Variants in SLC47A1 observed in about 807,000 individuals in gnomAD.
SLC47A1 encodes solute carrier family 47 member 1.
Under a neutral mutation model 65.8 loss-of-function variants are expected in SLC47A1, and 58 were observed. The observed-to-expected ratio is 0.88, with a 90% CI of 0.71 to 1.10. The LOEUF is 1.10. Ranked by LOEUF, SLC47A1 falls within the 50% of genes least tolerant of loss-of-function variation. SLC47A1 has a pLI of 0.00. For synonymous variants in SLC47A1, 285 were observed against 295.0 expected, an observed-to-expected ratio of 0.97 and a Z score of 0.35; for missense variants, 706 against 719.2, an observed-to-expected ratio of 0.98 and a Z score of 0.21.
intron 1 of SLC47A1, among the ~76,000 whole-genome samples, chr17:19,539,894 G>A (rs559572869): frequency 1.3e-5 from 2 of 152,212 alleles, no homozygotes; most frequent in East Asian, 3.9e-4. Context: ...TTGAAACCAG[G>A]ATCTGAGAAG....
At chr17:19,556,202 C>A in intron 10 of SLC47A1, 140 bp downstream of exon 10, 1 of 981,826 alleles carries the variant, frequency 1.0e-6, no homozygotes, top group Non-Finnish European at 1.5e-6. Context: ...ATCCTTGAGC[C>A]TGGGAGGGTA....
At chr17:19,573,208 CTT>C (rs1304620973) in intron 16 of SLC47A1, among the ~76,000 whole-genome samples, 1 of 152,196 alleles carries the variant, frequency 6.6e-6, no homozygotes. Flanking sequence ...CAGGCAGACA[CTT>C]GTGGGCTTTA....
intron 3 of SLC47A1, 95 bp downstream of exon 3, chr17:19,546,598 A>T: frequency 8.9e-7 from 1 of 1,122,208 alleles, no homozygotes; most frequent in South Asian, 1.3e-5. Context: ...TTCAGCAGCC[A>T]GCACTTGCAG....
At chr17:19,561,772 C>T (rs2084313489) in intron 12 of SLC47A1, among the ~76,000 whole-genome samples, 1 of 152,006 alleles carries the variant, frequency 6.6e-6, no homozygotes, top group Non-Finnish European at 1.5e-5. Context: ...TATGCTTCTG[C>T]TGGTCATGTA....
chr17:19,539,519 C>G (rs1319589925), intron 1 of SLC47A1, among the ~76,000 whole-genome samples: 1 of 151,542 alleles, frequency 6.6e-6, no homozygotes, highest in Non-Finnish European at 1.5e-5. Flanking sequence ...GAGTCTCTCT[C>G]TGTCACCCAG....
At position 19,578,145 on chromosome 17, in the gene SLC47A1, A is replaced by T. The variant is rs1332251310; in HGVS notation, c.*592A>T. The T allele has an allele frequency of 2.3e-6, 1 of 435,392 alleles. No homozygotes were observed. Among genetic ancestry groups the T allele is most frequent in the Non-Finnish European group, 4.4e-6 (1 of 226,770 alleles). The allele number at this position is 435,392 out of a possible 1,614,324, so 27.0% of individuals were successfully genotyped here. A position where few individuals can be genotyped will look rare whatever the true frequency, so the allele number is the denominator to read the frequency against. The stretch of plus-strand genomic sequence containing the variant: ...ACTACAGGGGTATGCCACCATGCCC[A>T]GCTGGCATTTGTTAATCTTCATTTG... On this transcript the variant is annotated 3_prime_UTR_variant, in exon 17 of 17. Transcript: ENST00000270570.
At chr17:19,564,860 A>G (rs1048896990) in intron 12 of SLC47A1, among the ~76,000 whole-genome samples, 1 of 152,142 alleles carries the variant, frequency 6.6e-6, no homozygotes, top group Non-Finnish European at 1.5e-5. Context: ...AGCTGGGATT[A>G]CAGGCATGCA....
intron 3 of SLC47A1, among the ~76,000 whole-genome samples, chr17:19,547,713 C>CTTCT (rs1292319523): frequency 1.0e-5 from 1 of 100,476 alleles, no homozygotes; most frequent in Admixed American, 1.2e-4. Context: ...GGGCCATGGG[C>CTTCT]TTCTTTTTTT....
rs1314932285 is a variant in SLC47A1, at chr17:19,578,149, G to A, written c.*596G>A. 2.3e-6 allele frequency: 1 copy of A among 427,376 alleles called. No homozygotes were observed. The allele number at this position is 427,376 out of a possible 1,614,324, so 26.5% of individuals were successfully genotyped here. ...CAGGGGTATGCCACCATGCCCAGCT[G>A]GCATTTGTTAATCTTCATTTGAGGT... On this transcript the variant is annotated 3_prime_UTR_variant, in exon 17 of 17. Transcript: ENST00000270570.
chr17:19,572,028 C>A (rs140936235), intron 15 of SLC47A1, among the ~76,000 whole-genome samples: 164 of 152,268 alleles, frequency 1.1e-3, no homozygotes, highest in African/African-American at 3.8e-3. Flanking sequence ...GTGGCTTATG[C>A]CTGTAGTCCC....
intron 14 of SLC47A1, among the ~76,000 whole-genome samples, chr17:19,569,476 A>G (rs1159916665): frequency 6.6e-6 from 1 of 152,180 alleles, no homozygotes; most frequent in Non-Finnish European, 1.5e-5. Context: ...TGAGAAGCCT[A>G]TAGTCAATCC....
At chr17:19,538,520 G>A (rs1916056042) in intron 1 of SLC47A1, among the ~76,000 whole-genome samples, 1 of 152,238 alleles carries the variant, frequency 6.6e-6, no homozygotes. Context: ...TGTAAGTCAG[G>A]ACCATCTGTA....
intron 12 of SLC47A1, among the ~76,000 whole-genome samples, chr17:19,561,660 AAAG>A (rs2084312606): frequency 6.6e-6 from 1 of 151,696 alleles, no homozygotes; most frequent in Non-Finnish European, 1.5e-5. Flanking sequence ...AAAAAAAAAA[AAAG>A]ATCAGAGGCT....
chr17:19,560,139 T>A, intron 10 of SLC47A1, 49 bp from the exon 11 acceptor site: 1 of 1,390,832 alleles, frequency 7.2e-7, no homozygotes, highest in South Asian at 1.2e-5. Context: ...GCACGTGTTC[T>A]CGCTCTGCAG....
At chr17:19,535,575 C>T (rs1915968788) in intron 1 of SLC47A1, 1 of 152,062 alleles carries the variant, frequency 6.6e-6, no homozygotes, top group Non-Finnish European at 1.5e-5. Context: ...CCTGGTGAAA[C>T]CCCGTCTATA....
chr17:19,547,932 G>A, intron 3 of SLC47A1, 53 bp from the exon 4 acceptor site: 1 of 1,506,728 alleles, frequency 6.6e-7, no homozygotes, highest in South Asian at 1.4e-5. Flanking sequence ...TTAGGGGACA[G>A]CTGGTGTGCT....
At chr17:19,534,900 G>A (rs918874590) in intron 1 of SLC47A1, 2 of 152,166 alleles carry the variant, frequency 1.3e-5, no homozygotes, top group Non-Finnish European at 2.9e-5. Context: ...AACCGAGAGG[G>A]TAGGACGCGG....
chr17:19,555,746 T>C, intron 8 of SLC47A1, 50 bp from the exon 9 acceptor site: 1 of 1,613,448 alleles, frequency 6.2e-7, no homozygotes, highest in Non-Finnish European at 8.5e-7. Flanking sequence ...TCAGGTTGAG[T>C]TCCAGCCCGA....
In SLC47A1 at chr17:19,542,794, TG is replaced by T. The variant is rs1457885497; in HGVS notation, c.237+301del. The stretch of plus-strand genomic sequence containing the variant: ...TTTATTTTATTTTATTTTATTTTGT[TG>T]TTTTTTTTTTTTTTGAGATGAAGTC... On this transcript the variant is annotated intron_variant, in intron 2 of 16. Coordinates refer to ENST00000270570, the MANE Select transcript of SLC47A1 (RefSeq NM_018242.3). Among the ~76,000 whole-genome samples, 46 of 111,964 alleles carry T rather than the reference TG, an allele frequency of 4.1e-4. 1 individual carries two copies. The South Asian group carries it at 0.015, about 35-fold the overall frequency. The allele number at this position is 111,964 out of a possible 152,430, so 73.5% of individuals were successfully genotyped here. A position where few individuals can be genotyped will look rare whatever the true frequency, so the allele number is the denominator to read the frequency against.
Sources: allele counts gnomAD v4.1 joint callset (sites outside exome capture counted in the v4.1 genomes callset), GRCh38; gene constraint gnomAD v4.1.1; transcripts MANE v1.5; gene names NCBI Gene and HGNC (gene_info 2026-07-23, HGNC 2026-07-21).